NBEA: variants seen among roughly 807,000 people sequenced by gnomAD.
NBEA encodes lysosomal-trafficking regulator 2.
A neutral mutation model predicts 343.4 loss-of-function variants in NBEA; 44 were observed. That is an observed-to-expected ratio of 0.13 (90% CI 0.10 to 0.16). NBEA has a LOEUF of 0.16. Among genes scored for constraint, NBEA ranks in the 10% least tolerant of loss-of-function variants. NBEA has a pLI of 1.00. For missense variants in NBEA, 2,555 were observed against 3,631.3 expected, an observed-to-expected ratio of 0.70 and a Z score of 7.62; for synonymous variants, 1,175 against 1,238.7, an observed-to-expected ratio of 0.95 and a Z score of 1.08.
At chr13:35,656,918 A>G (rs998212131) in intron 55 of NBEA, among the ~76,000 whole-genome samples, 1 of 152,232 alleles carries the variant, frequency 6.6e-6, no homozygotes, top group Non-Finnish European at 1.5e-5. Flanking sequence ...TAAGAAATCT[A>G]CAAGATGCCA....
chr13:35,463,312 G>A (rs2047005367), intron 40 of NBEA, among the ~76,000 whole-genome samples: 1 of 152,164 alleles, frequency 6.6e-6, no homozygotes, highest in Non-Finnish European at 1.5e-5. Context: ...AATATGTTTG[G>A]AAAATTGTGA....
chr13:35,135,806 A>T (rs1159253742), intron 17 of NBEA, among the ~76,000 whole-genome samples: 1 of 152,056 alleles, frequency 6.6e-6, no homozygotes, highest in Non-Finnish European at 1.5e-5. Context: ...GATACTAGAA[A>T]CATAATTAAA....
At position 35,500,714 on chromosome 13, in the gene NBEA, C is replaced by T. The variant is rs28529359; in HGVS notation, c.6585+28178C>T. 1.3e-3 allele frequency among the ~76,000 whole-genome samples: 127 copies of T among 97,834 alleles called. 19 individuals carry two copies. The highest frequency in any genetic ancestry group is 1.2e-3 in the South Asian group (4 of 3,212). 64.2% of individuals were successfully genotyped at this position (97,834 alleles called of 152,430 possible). ...CTCCTCGTGCTCTTTCCTGGCTCTT[C>T]TTTTTTTTTTTTTTTTGAAAACATA... On this transcript the variant is annotated intron_variant, in intron 41 of 58. Coordinates refer to ENST00000379939, the MANE Select transcript of NBEA (RefSeq NM_001385012.1).
chr13:34,976,245 A>G (rs2060170161), intron 1 of NBEA, among the ~76,000 whole-genome samples: 1 of 152,228 alleles, frequency 6.6e-6, no homozygotes, highest in Non-Finnish European at 1.5e-5. Context: ...ACTCAGCCAT[A>G]AAAAGGAATG....
At chr13:35,296,493 G>A (rs548794462) in intron 35 of NBEA, among the ~76,000 whole-genome samples, 1 of 151,732 alleles carries the variant, frequency 6.6e-6, no homozygotes, top group Non-Finnish European at 1.5e-5. Context: ...TAGGCCATCT[G>A]CAGGATCATT....
At position 35,645,922 on chromosome 13, in the gene NBEA, C is replaced by T. The variant is rs1326233271; in HGVS notation, c.7671C>T (p.Asp2557=). ...RDPHTFLLTK[D]FIKAMEAQIQ... ...CCCACACTTTCCTTCTTACAAAGGA[C>T]TTTATTAAGGTATATGTTCTGTATT... is the stretch of plus-strand genomic sequence containing the variant. Residue 2557 remains aspartate (D), a synonymous_variant, in exon 50 of 59, where the codon GAC becomes GAT. Coordinates refer to ENST00000379939, the MANE Select transcript of NBEA (RefSeq NM_001385012.1). 6.4e-7 allele frequency: 1 copy of T among 1,562,862 alleles called. No individual in the cohort carries two copies. The highest frequency in any genetic ancestry group is 1.2e-5 in the South Asian group (1 of 85,680).
chr13:35,357,981 T>G (rs1024571045), intron 38 of NBEA, among the ~76,000 whole-genome samples: 1 of 152,150 alleles, frequency 6.6e-6, no homozygotes, highest in South Asian at 2.1e-4. Flanking sequence ...ACTTCTAATA[T>G]ATAGTTGTAA....
intron 10 of NBEA, among the ~76,000 whole-genome samples, chr13:35,082,971 T>A (rs1433396002): frequency 6.6e-6 from 1 of 152,226 alleles, no homozygotes; most frequent in Non-Finnish European, 1.5e-5. Context: ...GCTTTTGGTG[T>A]TTTAGTCATG....
At position 35,550,646 on chromosome 13, in the gene NBEA, TC is replaced by T. The variant is rs1396725773; in HGVS notation, c.6703+53del. The T allele has an allele frequency of 1.4e-5, 16 of 1,110,306 alleles. 1 individual carries two copies. The South Asian group carries it at 1.5e-4, about 10-fold the overall frequency. The allele number at this position is 1,110,306 out of a possible 1,614,324, so 68.8% of individuals were successfully genotyped here. A position where few individuals can be genotyped will look rare whatever the true frequency, so the allele number is the denominator to read the frequency against. ...AAATGTGCTCATATTTACATATTAT[TC>T]ATTTACATGGTATGATAATGTCTTG... is the stretch of plus-strand genomic sequence containing the variant. On this transcript the variant is annotated intron_variant, in intron 42 of 58. Coordinates refer to ENST00000379939, the MANE Select transcript of NBEA (RefSeq NM_001385012.1).
At chr13:35,161,499 GT>G (rs2069556832) in intron 22 of NBEA, among the ~76,000 whole-genome samples, 1 of 152,132 alleles carries the variant, frequency 6.6e-6, no homozygotes, top group African/African-American at 2.4e-5. Context: ...GAACTTTGGT[GT>G]TAACTTTAGG....
intron 33 of NBEA, among the ~76,000 whole-genome samples, chr13:35,225,149 C>T (rs566381947): frequency 6.6e-6 from 1 of 152,210 alleles, no homozygotes; most frequent in South Asian, 2.1e-4. Flanking sequence ...TTACTGGGTG[C>T]TTGCAAGCCT....
rs372657868 is a variant in NBEA, at chr13:35,142,353, C to T, written c.2421C>T (p.Val807=). The stretch of plus-strand genomic sequence containing the variant: ...TGTTGCATACAAACACTGTGACTGT[C>T]ACCACATACAACACACTTTATGAGG... ...RLMLHTNTVT[V]TTYNTLYEIL... Residue 807 remains valine (V), a synonymous_variant, in exon 18 of 59, where the codon GTC becomes GTT. Coordinates refer to ENST00000379939, the MANE Select transcript of NBEA (RefSeq NM_001385012.1). 1.2e-6 allele frequency: 2 copies of T among 1,612,326 alleles called. No homozygotes were observed. The highest frequency in any genetic ancestry group is 1.7e-6 in the Non-Finnish European group (2 of 1,178,824).
chr13:35,020,582 G>A (rs538115754), intron 1 of NBEA, among the ~76,000 whole-genome samples: 4 of 152,242 alleles, frequency 2.6e-5, no homozygotes, highest in Admixed American at 1.3e-4. Flanking sequence ...GCGGTGGCAC[G>A]ATCTTGCTTT....
At chr13:35,318,835 G>T (rs1008192013) in intron 36 of NBEA, among the ~76,000 whole-genome samples, 2 of 152,130 alleles carry the variant, frequency 1.3e-5, no homozygotes, top group African/African-American at 4.8e-5. Context: ...TCTTGGGAGG[G>T]TGTATGTGTC....
intron 39 of NBEA, among the ~76,000 whole-genome samples, chr13:35,444,917 A>G (rs1240986209): frequency 1.3e-5 from 2 of 152,176 alleles, no homozygotes; most frequent in Non-Finnish European, 2.9e-5. Flanking sequence ...TAAGCTATTT[A>G]TACTACATTC....
intron 18 of NBEA, among the ~76,000 whole-genome samples, chr13:35,155,132 TA>T (rs753159286): frequency 0.013 from 784 of 61,864 alleles, 3 homozygotes; most frequent in African/African-American, 0.04. Flanking sequence ...ATTCTGTCTC[TA>T]AAAAAAAAAA....
chr13:34,944,964 A>G (rs2059145068), intron 1 of NBEA, among the ~76,000 whole-genome samples: 2 of 152,172 alleles, frequency 1.3e-5, no homozygotes, highest in Admixed American at 6.5e-5. Flanking sequence ...TTTTTTAGAT[A>G]TACGGTAGAC....
At chr13:35,596,082 G>T (rs1417844328) in intron 47 of NBEA, among the ~76,000 whole-genome samples, 1 of 151,832 alleles carries the variant, frequency 6.6e-6, no homozygotes. Context: ...CGTTTAATGT[G>T]TGTGTGCGTG....
At chr13:35,019,922 C>T (rs943339371) in intron 1 of NBEA, among the ~76,000 whole-genome samples, 7 of 152,170 alleles carry the variant, frequency 4.6e-5, no homozygotes, top group African/African-American at 1.7e-4. Context: ...CTGTCCCACA[C>T]CTCTTTGCTT....
Sources: allele counts gnomAD v4.1 joint callset (sites outside exome capture counted in the v4.1 genomes callset), GRCh38; gene constraint gnomAD v4.1.1; transcripts MANE v1.5; gene names NCBI Gene and HGNC (gene_info 2026-07-23, HGNC 2026-07-21).